Variants in ZNF740 observed in about 807,000 individuals in gnomAD.
The protein encoded by ZNF740 is zinc finger protein 740.
A neutral mutation model predicts 24.8 loss-of-function variants in ZNF740; 14 were observed. The observed-to-expected ratio is 0.56, with a 90% CI of 0.37 to 0.88. ZNF740 has a LOEUF of 0.88. Among genes scored for constraint, ZNF740 ranks in the 40% least tolerant of loss-of-function variants. The pLI, the probability that ZNF740 is intolerant of heterozygous loss-of-function variation, is 0.00. For missense variants in ZNF740, 201 were observed against 247.9 expected (o/e 0.81, Z 1.27); for synonymous variants, 69 against 84.0 (o/e 0.82, Z 0.98).
rs191980803 is a variant in ZNF740 at position 53,193,075 on chromosome 12, C to G, written c.*5485C>G. On this transcript the variant is annotated 3_prime_UTR_variant, in exon 7 of 7. Transcript: ENST00000416904. ...TATTTGCCTTCCATGCCAGGAGATT[C>G]CCAGAGCCTAAGTGCCTTGGGAAGG... The G allele has an allele frequency of 3.4e-6, 5 of 1,476,178 alleles. No homozygotes were observed. In the African/African-American group the frequency reaches 6.9e-5, roughly 20 times the overall value. The allele number at this position is 1,476,178 out of a possible 1,614,324, so 91.4% of individuals were successfully genotyped here. A position where few individuals can be genotyped will look rare whatever the true frequency, so the allele number is the denominator to read the frequency against.
chr12:53,194,372 A>G lies in ZNF740; in HGVS notation c.*6782A>G. ...ATGGGAAGAGAGCGAGTGGATAACC[A>G]CGTGAAGGCAGAAAAGGACTCCAAC... On this transcript the variant is annotated 3_prime_UTR_variant, in exon 7 of 7. Coordinates refer to ENST00000416904, the MANE Select transcript of ZNF740 (RefSeq NM_001004304.4). 1 of 1,611,774 alleles carries G rather than the reference A, an allele frequency of 6.2e-7. No homozygotes were observed. The highest frequency in any genetic ancestry group is 1.7e-5 in the Admixed American group (1 of 59,658).
intron 2 of ZNF740, among the ~76,000 whole-genome samples, chr12:53,182,489 C>T (rs1941688131): frequency 6.6e-6 from 1 of 151,928 alleles, no homozygotes; most frequent in Non-Finnish European, 1.5e-5. Flanking sequence ...TAGTGGCTGG[C>T]TAGTAGTAGA....
chr12:53,185,513 T>C (rs1441861681), intron 4 of ZNF740, 37 bp downstream of exon 4: 1 of 1,585,142 alleles, frequency 6.3e-7, no homozygotes, highest in Non-Finnish European at 8.7e-7. Context: ...TCATACAGTT[T>C]GGTAATGGGG....
In ZNF740 at chr12:53,191,467, C is replaced by T; in HGVS notation, c.*3877C>T. 1 of 1,027,744 alleles carries T rather than the reference C, an allele frequency of 9.7e-7. No individual in the cohort carries two copies. The highest frequency in any genetic ancestry group is 1.5e-6 in the Non-Finnish European group (1 of 647,260). 63.7% of individuals were successfully genotyped at this position (1,027,744 alleles called of 1,614,324 possible). Reference sequence around the variant, plus strand: ...CCTCGCCAGTGAATTAGTCCCCTACCAAGGTCTTACAGACCCACCCTTCCT... The same window carrying T: ...CCTCGCCAGTGAATTAGTCCCCTACTAAGGTCTTACAGACCCACCCTTCCT... On this transcript the variant is annotated 3_prime_UTR_variant, in exon 7 of 7. Transcript: ENST00000416904.
At chr12:53,185,106 C>A in intron 3 of ZNF740, 66 bp downstream of exon 3, 1 of 1,599,514 alleles carries the variant, frequency 6.3e-7, no homozygotes, top group Non-Finnish European at 8.5e-7. Context: ...CCAGGAGATA[C>A]CAAGCTCTGA....
intron 2 of ZNF740, among the ~76,000 whole-genome samples, chr12:53,183,266 G>T (rs756344751): frequency 1.3e-5 from 2 of 152,190 alleles, no homozygotes; most frequent in African/African-American, 4.8e-5. Context: ...ACCCTGTAAG[G>T]ATAAGCATTA....
Position 53,194,379 on chromosome 12 carries a change from G to C in ZNF740, c.*6789G>C, listed in dbSNP as rs746153606. ...GAGAGCGAGTGGATAACCACGTGAA[G>C]GCAGAAAAGGACTCCAACCCCACCT... On this transcript the variant is annotated 3_prime_UTR_variant, in exon 7 of 7. Transcript: ENST00000416904. 2.5e-6 allele frequency: 4 copies of C among 1,609,624 alleles called. No individual in the cohort carries two copies. Among genetic ancestry groups the C allele is most frequent in the Non-Finnish European group, 3.4e-6 (4 of 1,177,330 alleles).
intron 1 of ZNF740, 57 bp downstream of exon 1, chr12:53,180,894 A>C (rs914029991): frequency 4.4e-6 from 5 of 1,143,678 alleles, no homozygotes; most frequent in Non-Finnish European, 5.5e-6. Flanking sequence ...GCGCTTCAGT[A>C]GCTCGCAAGC....
chr12:53,191,711 C>A lies in ZNF740; in HGVS notation c.*4121C>A. On this transcript the variant is annotated 3_prime_UTR_variant, in exon 7 of 7. Coordinates refer to ENST00000416904, the MANE Select transcript of ZNF740 (RefSeq NM_001004304.4). ...CCCCTTTCTAGACCTAAGAGGCCAGCCTTGAGCCGAATCCTAGGAGCTGAT... is the reference window on the plus strand; with the variant it reads ...CCCCTTTCTAGACCTAAGAGGCCAGACTTGAGCCGAATCCTAGGAGCTGAT... The A allele has an allele frequency of 6.5e-7, 1 of 1,535,936 alleles. No homozygotes were observed. The highest frequency in any genetic ancestry group is 9.0e-7 in the Non-Finnish European group (1 of 1,109,698).
At chr12:53,185,880 G>A in intron 4 of ZNF740, 74 bp from the exon 5 acceptor site, 2 of 1,561,810 alleles carry the variant, frequency 1.3e-6, no homozygotes, top group South Asian at 1.2e-5. Context: ...AGCTGGAAGT[G>A]GACCCAGAGT....
In ZNF740 at chr12:53,186,375, T is replaced by C; in HGVS notation, c.374-16T>C. 1.3e-6 allele frequency: 2 copies of C among 1,558,090 alleles called. No homozygotes were observed. The highest frequency in any genetic ancestry group is 1.7e-6 in the Non-Finnish European group (2 of 1,149,220). Reference sequence around the variant, plus strand: ...ACATACCTCCCCACATTCACTTCTCTGTCCACCTGGGCCAGGTGAGAAGCC... The same window carrying C: ...ACATACCTCCCCACATTCACTTCTCCGTCCACCTGGGCCAGGTGAGAAGCC... On this transcript the variant is annotated splice_polypyrimidine_tract_variant and intron_variant, in intron 5 of 6. Transcript: ENST00000416904.
At chr12:53,184,167 A>G (rs1592386312) in intron 2 of ZNF740, among the ~76,000 whole-genome samples, 6 of 90,922 alleles carry the variant, frequency 6.6e-5, no homozygotes, top group South Asian at 4.2e-4. Flanking sequence ...GCGCGCTCTG[A>G]AGCTAAGGGG....
In ZNF740 at chr12:53,194,498, G is replaced by A. The variant is rs1231038716; in HGVS notation, c.*6908G>A. ...CTGCCCAGTCGAGGCATTTCTGGAG[G>A]GAGGACCCGTGAGAACCTTGCATAG... is the stretch of plus-strand genomic sequence containing the variant. On this transcript the variant is annotated 3_prime_UTR_variant, in exon 7 of 7. Transcript: ENST00000416904. 9 of 686,924 alleles carry A rather than the reference G, an allele frequency of 1.3e-5. No homozygotes were observed. The highest frequency in any genetic ancestry group is 4.9e-6 in the Non-Finnish European group (2 of 406,754). 42.6% of individuals were successfully genotyped at this position (686,924 alleles called of 1,614,324 possible). A position where few individuals can be genotyped will look rare whatever the true frequency, so the allele number is the denominator to read the frequency against.
Position 53,192,263 on chromosome 12 carries a change from C to G in ZNF740, c.*4673C>G. On this transcript the variant is annotated 3_prime_UTR_variant, in exon 7 of 7. Coordinates refer to ENST00000416904, the MANE Select transcript of ZNF740 (RefSeq NM_001004304.4). ...CAGCCTGTTTCCCATTATCTTCACTCTGCATCCCCAGAGTTGAGACCCTGC... is the reference window on the plus strand; with the variant it reads ...CAGCCTGTTTCCCATTATCTTCACTGTGCATCCCCAGAGTTGAGACCCTGC... 2 of 1,514,890 alleles carry G rather than the reference C, an allele frequency of 1.3e-6. No homozygotes were observed. The highest frequency in any genetic ancestry group is 1.1e-5 in the South Asian group (1 of 88,672). 93.8% of individuals were successfully genotyped at this position (1,514,890 alleles called of 1,614,324 possible). A position where few individuals can be genotyped will look rare whatever the true frequency, so the allele number is the denominator to read the frequency against.
rs1294356581 is a variant in ZNF740, at chr12:53,189,144, G to T, written c.*1554G>T. 1.3e-5 allele frequency: 2 copies of T among 151,988 alleles called. No individual in the cohort carries two copies. The highest frequency in any genetic ancestry group is 1.3e-4 in the Admixed American group (2 of 15,270). 9.4% of individuals were successfully genotyped at this position (151,988 alleles called of 1,614,324 possible). A position where few individuals can be genotyped will look rare whatever the true frequency, so the allele number is the denominator to read the frequency against. ...TTTTTAAGATGAATTCAACAGCCTG[G>T]TGGTTAGGATGTTTCTAACCCAAGC... On this transcript the variant is annotated 3_prime_UTR_variant, in exon 7 of 7. Transcript: ENST00000416904.
At position 53,181,183 on chromosome 12, in the gene ZNF740, G is replaced by T. The variant is rs910757862; in HGVS notation, c.-308+346G>T. On this transcript the variant is annotated intron_variant, in intron 1 of 6. Coordinates refer to ENST00000416904, the MANE Select transcript of ZNF740 (RefSeq NM_001004304.4). ...CGAGGCGGGCGACACGCCGCGCCGGGCTTCGCCTGCCTGTCCTCCACCTCC... is the reference window on the plus strand; with the variant it reads ...CGAGGCGGGCGACACGCCGCGCCGGTCTTCGCCTGCCTGTCCTCCACCTCC... 14 of 985,298 alleles carry T rather than the reference G, an allele frequency of 1.4e-5. No homozygotes were observed. The African/African-American group carries it at 2.4e-4, about 17-fold the overall frequency. 61.0% of individuals were successfully genotyped at this position (985,298 alleles called of 1,614,324 possible). A position where few individuals can be genotyped will look rare whatever the true frequency, so the allele number is the denominator to read the frequency against.
rs1386105626 is a variant in ZNF740 at position 53,190,168 on chromosome 12, GAA to G, written c.*2579_*2580del. On this transcript the variant is annotated 3_prime_UTR_variant, in exon 7 of 7. Transcript: ENST00000416904. ...GATGTCTGGGGCAGTGCATGTGTGA[GAA>G]GAGAGGCGCAAAGCAGTGAAAGGAG... 2 of 152,496 alleles carry G rather than the reference GAA, an allele frequency of 1.3e-5. No homozygotes were observed. The highest frequency in any genetic ancestry group is 4.8e-5 in the African/African-American group (2 of 41,458). The allele number at this position is 152,496 out of a possible 1,614,324, so 9.4% of individuals were successfully genotyped here.
Position 53,193,945 on chromosome 12 carries a change from C to T in ZNF740, c.*6355C>T. The stretch of plus-strand genomic sequence containing the variant: ...CAGGCCATGGTTATACACATGCACA[C>T]ACACATACCCCAAACTCACCAATCA... On this transcript the variant is annotated 3_prime_UTR_variant, in exon 7 of 7. Transcript: ENST00000416904. The T allele has an allele frequency of 1.9e-6, 3 of 1,540,406 alleles. No homozygotes were observed. Among genetic ancestry groups the T allele is most frequent in the Non-Finnish European group, 2.7e-6 (3 of 1,128,624 alleles).
rs910477806 is a variant in ZNF740, at chr12:53,192,349, G to A, written c.*4759G>A. On this transcript the variant is annotated 3_prime_UTR_variant, in exon 7 of 7. Transcript: ENST00000416904. Reference sequence around the variant, plus strand: ...ACTTACTTTCTTGGGGTCTCACTCTGAGCACGACCGTGCCTCTGGCGTCAT... The same window carrying A: ...ACTTACTTTCTTGGGGTCTCACTCTAAGCACGACCGTGCCTCTGGCGTCAT... The A allele has an allele frequency of 5.6e-6, 9 of 1,613,956 alleles. No homozygotes were observed. The highest frequency in any genetic ancestry group is 7.6e-6 in the Non-Finnish European group (9 of 1,180,000).
Sources: gnomAD v4.1 joint callset for allele counts (sites outside exome capture counted in the v4.1 genomes callset) on GRCh38, gnomAD v4.1.1 for gene constraint, MANE v1.5 for transcripts, NCBI Gene and HGNC (gene_info 2026-07-23, HGNC 2026-07-21) for gene names.